Variants in ELL2 observed in about 807,000 individuals in gnomAD.
The protein encoded by ELL2 is elongation factor for RNA polymerase II 2.
A neutral mutation model predicts 72.8 loss-of-function variants in ELL2; 21 were observed. That is an observed-to-expected ratio of 0.29 (90% CI 0.20 to 0.42). The LOEUF (loss-of-function observed/expected upper bound fraction) is 0.42. Ranked by LOEUF, ELL2 falls within the 10% of genes least tolerant of loss-of-function variation. The probability of loss-of-function intolerance (pLI) is 1.00; values close to 1 mark genes in which losing one functional copy is unlikely to be tolerated. For synonymous variants in ELL2, 266 were observed against 283.2 expected, an observed-to-expected ratio of 0.94 and a Z score of 0.61; for missense variants, 568 against 772.8, an observed-to-expected ratio of 0.73 and a Z score of 3.14.
chr5:95,889,104 T>C lies in ELL2; in HGVS notation c.1788A>G (p.Glu596=). 6.2e-7 allele frequency: 1 copy of C among 1,611,110 alleles called. No individual in the cohort carries two copies. Residue 596 remains glutamate (E), a synonymous_variant, in exon 11 of 12, where the codon GAA becomes GAG. Coordinates refer to ENST00000237853, the MANE Select transcript of ELL2 (RefSeq NM_012081.6). Reference sequence around the variant, plus strand: ...TACCTACCTGCTTTATCTTCTGATATTCTTGTAAGACTTCTTCATGAACAT... The same window carrying C: ...TACCTACCTGCTTTATCTTCTGATACTCTTGTAAGACTTCTTCATGAACAT... ...YQNVHEEVLQ[E]YQKIKQSSPN...
At chr5:95,889,350 G>A (rs956309636) in intron 10 of ELL2, among the ~76,000 whole-genome samples, 1 of 152,188 alleles carries the variant, frequency 6.6e-6, no homozygotes. Context: ...TTGCTCCCCA[G>A]TGAATGACAC....
In ELL2 at chr5:95,888,197, A is replaced by T. The variant is rs1308310804; in HGVS notation, c.*674T>A. 4.6e-5 allele frequency: 7 copies of T among 152,540 alleles called. No homozygotes were observed. The highest frequency in any genetic ancestry group is 1.0e-4 in the Non-Finnish European group (7 of 68,032). 9.4% of individuals were successfully genotyped at this position (152,540 alleles called of 1,614,324 possible). A position where few individuals can be genotyped will look rare whatever the true frequency, so the allele number is the denominator to read the frequency against. ...CAAGTGGGAAGCAGTGTAGCTAATGATTAACCACACTATGTACACAACTAG... is the reference window on the plus strand; with the variant it reads ...CAAGTGGGAAGCAGTGTAGCTAATGTTTAACCACACTATGTACACAACTAG... On this transcript the variant is annotated 3_prime_UTR_variant, in exon 12 of 12. Coordinates refer to ENST00000237853, the MANE Select transcript of ELL2 (RefSeq NM_012081.6).
intron 8 of ELL2, among the ~76,000 whole-genome samples, chr5:95,896,557 ACT>A (rs1561489632): frequency 6.6e-6 from 1 of 152,168 alleles, no homozygotes; most frequent in Non-Finnish European, 1.5e-5. Flanking sequence ...TAATACATAG[ACT>A]CTGAGTGCAT....
intron 1 of ELL2, among the ~76,000 whole-genome samples, chr5:95,952,183 C>T (rs1751436175): frequency 1.3e-5 from 2 of 152,122 alleles, no homozygotes; most frequent in Non-Finnish European, 2.9e-5. Flanking sequence ...GGCCATTACC[C>T]TATGCAAACT....
At chr5:95,902,882 G>C (rs1749194410) in intron 5 of ELL2, among the ~76,000 whole-genome samples, 1 of 151,978 alleles carries the variant, frequency 6.6e-6, no homozygotes, top group African/African-American at 2.4e-5. Context: ...CTTGGGCTCA[G>C]GTGGTACTCC....
At position 95,938,887 on chromosome 5, in the gene ELL2, T is replaced by C. The variant is rs192298712; in HGVS notation, c.195+4115A>G. On this transcript the variant is annotated intron_variant, in intron 2 of 11. Transcript: ENST00000237853. Reference sequence around the variant, plus strand: ...TACCGAGGTCTAGAATCTCATATACTGTGACAAAGTTAGCATTATTTCTCA... The same window carrying C: ...TACCGAGGTCTAGAATCTCATATACCGTGACAAAGTTAGCATTATTTCTCA... Among the ~76,000 whole-genome samples, 311 of 152,274 alleles carry C rather than the reference T, an allele frequency of 2.0e-3. 1 individual carries two copies. Among genetic ancestry groups the C allele is most frequent in the South Asian group, 4.2e-3 (20 of 4,812 alleles).
At chr5:95,903,875 G>A (rs577455570) in intron 5 of ELL2, among the ~76,000 whole-genome samples, 18 of 151,926 alleles carry the variant, frequency 1.2e-4, no homozygotes, top group African/African-American at 2.9e-4. Flanking sequence ...CCATCCTTCC[G>A]CATCTCAGTC....
intron 1 of ELL2, among the ~76,000 whole-genome samples, chr5:95,951,321 A>T (rs749169242): frequency 1.4e-3 from 208 of 152,190 alleles, no homozygotes; most frequent in Admixed American, 3.0e-3. Flanking sequence ...GTAAGCCGAG[A>T]TTGTGCCACT....
chr5:95,960,321 C>T (rs1362783387), intron 1 of ELL2, among the ~76,000 whole-genome samples: 1 of 151,918 alleles, frequency 6.6e-6, no homozygotes, highest in Non-Finnish European at 1.5e-5. Flanking sequence ...CCCTCCCTCA[C>T]GCGATGTATC....
In ELL2 at chr5:95,898,271, C is replaced by T. The variant is rs372134332; in HGVS notation, c.1494G>A (p.Lys498=). 12 of 1,607,904 alleles carry T rather than the reference C, an allele frequency of 7.5e-6. No individual in the cohort carries two copies. The African/African-American group carries it at 1.6e-4, about 22-fold the overall frequency. ...TGGAATTTGGACTGGAGTTATTTAG[C>T]TTGGCAATTTCCTCTTCTCTCTTAA... ...EDLKREEEIA[K]LNNSSPNSSG... The change falls in exon 8 of 12, where the codon AAG becomes AAA. Residue 498 remains lysine, a synonymous_variant. Coordinates refer to ENST00000237853, the MANE Select transcript of ELL2 (RefSeq NM_012081.6).
intron 1 of ELL2, among the ~76,000 whole-genome samples, chr5:95,943,789 T>C (rs927515924): frequency 5.3e-5 from 8 of 152,194 alleles, no homozygotes; most frequent in Non-Finnish European, 8.8e-5. Flanking sequence ...ATGAGCTTTT[T>C]CTTCTTGATA....
Position 95,900,708 on chromosome 5 carries a change from A to G in ELL2, c.939T>C (p.Ala313=), listed in dbSNP as rs1370257599. ...SESPVCSSRD[A]VSSPQKRLLD... The stretch of plus-strand genomic sequence containing the variant: ...TATGACATACCTGAGGAGAAGATAC[A>G]GCGTCTCTACTAGAACATACAGGAG... Residue 313 remains alanine (A), a synonymous_variant, in exon 7 of 12, where the codon GCT becomes GCC. Transcript: ENST00000237853. 6.3e-7 allele frequency: 1 copy of G among 1,598,684 alleles called. No homozygotes were observed. Among genetic ancestry groups the G allele is most frequent in the Admixed American group, 1.8e-5 (1 of 57,038 alleles).
intron 2 of ELL2, among the ~76,000 whole-genome samples, chr5:95,929,564 C>T (rs1268036023): frequency 1.3e-5 from 2 of 151,988 alleles, no homozygotes; most frequent in African/African-American, 4.8e-5. Context: ...GCCGGTCTTA[C>T]CCACTTTTAT....
In ELL2 at chr5:95,885,993, G is replaced by A. The variant is rs1008992816; in HGVS notation, c.*2878C>T. 1 of 152,124 alleles carries A rather than the reference G, an allele frequency of 6.6e-6. No homozygotes were observed. The highest frequency in any genetic ancestry group is 1.5e-5 in the Non-Finnish European group (1 of 68,024). 9.4% of individuals were successfully genotyped at this position (152,124 alleles called of 1,614,324 possible). ...TTAAATCAGTTGTTCATCCAACCTGGAGTTGATTTAAGGATGTTGGTAAAA... is the reference window on the plus strand; with the variant it reads ...TTAAATCAGTTGTTCATCCAACCTGAAGTTGATTTAAGGATGTTGGTAAAA... On this transcript the variant is annotated 3_prime_UTR_variant, in exon 12 of 12. Transcript: ENST00000237853.
chr5:95,932,029 A>T (rs1369566593), intron 2 of ELL2, among the ~76,000 whole-genome samples: 2 of 150,684 alleles, frequency 1.3e-5, no homozygotes, highest in African/African-American at 4.9e-5. Context: ...TGAACCAAAC[A>T]TATAGTATTT....
chr5:95,889,022 GAGATT>G, intron 11 of ELL2, 35 bp from the exon 12 acceptor site: 1 of 1,462,696 alleles, frequency 6.8e-7, no homozygotes, highest in Non-Finnish European at 9.4e-7. Context: ...AAAGAGGAAT[GAGATT>G]GCAGAATTTA....
At chr5:95,911,848 T>C (rs1013571483) in intron 4 of ELL2, among the ~76,000 whole-genome samples, 2 of 152,164 alleles carry the variant, frequency 1.3e-5, no homozygotes, top group Non-Finnish European at 2.9e-5. Flanking sequence ...AGAAGAACAC[T>C]GCTGTGACGG....
At position 95,939,968 on chromosome 5, in the gene ELL2, A is replaced by G. The variant is rs762755400; in HGVS notation, c.195+3034T>C. ...TCCTAGTAAACCTTTAGTTGTAAGT[A>G]TCTTAGGTACAGATTAGAACTGTGA... On this transcript the variant is annotated intron_variant, in intron 2 of 11. Transcript: ENST00000237853. 6.6e-4 allele frequency among the ~76,000 whole-genome samples: 101 copies of G among 152,176 alleles called. 1 individual carries two copies. The highest frequency in any genetic ancestry group is 5.1e-4 in the Non-Finnish European group (35 of 68,010).
intron 3 of ELL2, among the ~76,000 whole-genome samples, chr5:95,919,002 G>T (rs1008545963): frequency 6.6e-6 from 1 of 151,316 alleles, no homozygotes; most frequent in African/African-American, 2.4e-5. Flanking sequence ...AACATGGCTT[G>T]AACAGGGAAG....
Sources: gnomAD v4.1 joint callset for allele counts (sites outside exome capture counted in the v4.1 genomes callset) on GRCh38, gnomAD v4.1.1 for gene constraint, MANE v1.5 for transcripts, NCBI Gene and HGNC (gene_info 2026-07-23, HGNC 2026-07-21) for gene names.